Variants in BCORL1 observed in about 807,000 individuals in gnomAD.
BCORL1 encodes the protein BCL6 corepressor like 1.
A neutral mutation model predicts 87.6 loss-of-function variants in BCORL1; 7 were observed. The ratio of observed to expected loss-of-function variants is 0.08; its 90% CI spans 0.05 to 0.15. BCORL1 has a LOEUF of 0.15. Among genes scored for constraint, BCORL1 ranks in the 10% least tolerant of loss-of-function variants. The probability of loss-of-function intolerance (pLI) is 1.00; values close to 1 mark genes in which losing one functional copy is unlikely to be tolerated. For synonymous variants in BCORL1, 591 were observed against 634.4 expected (o/e 0.93, Z 1.03); for missense variants, 1,215 against 1,499.7 (o/e 0.81, Z 3.13).
In BCORL1 at chrX:130,015,182, T is replaced by C. The variant is rs150199677; in HGVS notation, c.2410T>C (p.Leu804=). 6 of 1,210,892 alleles carry C rather than the reference T, an allele frequency of 5.0e-6. No individual in the cohort carries two copies. The African/African-American group carries it at 8.7e-5, about 18-fold the overall frequency. ...LPGCQTKELS[L]WKPTGPANIY... ...AGGGTGCCAAACCAAGGAACTCTCT[T>C]TGTGGAAACCCACGGGGCCGGCAAA... Residue 804 remains leucine (L), a synonymous_variant, in exon 4 of 14, where the codon TTG becomes CTG. Coordinates refer to ENST00000540052, the MANE Select transcript of BCORL1 (RefSeq NM_001379451.1).
chrX:129,996,349 C>T (rs1387193527), intron 1 of BCORL1, among the ~76,000 whole-genome samples: 1 of 111,502 alleles, frequency 9.0e-6, no homozygotes, highest in East Asian at 2.8e-4. Context: ...ATAATTGCTT[C>T]CAGGTCACCA....
chrX:130,028,894 GTGTGTGGCGGGGGGTCAGAGGAGGCAGGA>G, intron 8 of BCORL1, 33 bp downstream of exon 8: 1 of 925,295 alleles, frequency 1.1e-6, no homozygotes, highest in Non-Finnish European at 1.5e-6. Flanking sequence ...TGTAGAAGGT[GTGTGTGGCGGGGGGTCAGAGGAGGCAGGA>G]GGGGGGTGGG....
chrX:130,004,340 G>A (rs1229277307), intron 1 of BCORL1, among the ~76,000 whole-genome samples: 2 of 106,595 alleles, frequency 1.9e-5, no homozygotes, highest in Non-Finnish European at 3.9e-5. Flanking sequence ...TGCCTCTTGG[G>A]TTCAAGCGAT....
intron 8 of BCORL1, 106 bp downstream of exon 8, chrX:130,028,967 A>C: frequency 3.2e-6 from 2 of 626,292 alleles, no homozygotes; most frequent in Non-Finnish European, 2.5e-6. Context: ...CATATTTAGT[A>C]AGGCATTCTC....
At chrX:130,008,588 C>T (rs770867012) in intron 2 of BCORL1, among the ~76,000 whole-genome samples, 6 of 111,934 alleles carry the variant, frequency 5.4e-5, no homozygotes, top group Non-Finnish European at 1.1e-4. Context: ...AGTGTTGTCA[C>T]TTTTGATCTC....
chrX:130,035,391 T>C (rs2124525089), intron 9 of BCORL1, among the ~76,000 whole-genome samples: 1 of 112,370 alleles, frequency 8.9e-6, no homozygotes, highest in East Asian at 2.8e-4. Flanking sequence ...TCACCATAAT[T>C]CAGTTACACC....
intron 11 of BCORL1, among the ~76,000 whole-genome samples, chrX:130,039,960 C>T (rs1008817672): frequency 2.7e-5 from 3 of 112,604 alleles, no homozygotes; most frequent in African/African-American, 6.5e-5. Flanking sequence ...CTGAGTTGGG[C>T]AGGGGGAGGA....
intron 10 of BCORL1, among the ~76,000 whole-genome samples, chrX:130,038,394 T>A (rs1271921407): frequency 1.2e-4 from 13 of 110,919 alleles, no homozygotes; most frequent in Non-Finnish European, 1.9e-5. Context: ...CTGCCTGGCG[T>A]GTGGAGCCCT....
rs188454898 is a variant in BCORL1 at position 130,006,791 on chromosome X, C to T, written c.86+1474C>T. The stretch of plus-strand genomic sequence containing the variant: ...TTTACTATGTTGGCCAGGCTGGTCT[C>T]GAACTCCTGACCTCATGATCCACTC... On this transcript the variant is annotated intron_variant, in intron 2 of 13. Coordinates refer to ENST00000540052, the MANE Select transcript of BCORL1 (RefSeq NM_001379451.1). 9.2e-3 allele frequency among the ~76,000 whole-genome samples: 1,015 copies of T among 110,742 alleles called. 7 individuals are homozygous for T. The highest frequency in any genetic ancestry group is 0.015 in the Non-Finnish European group (792 of 52,912).
In BCORL1 at chrX:130,021,055, A is replaced by G. The variant is rs760079112; in HGVS notation, c.3512A>G (p.Lys1171Arg). ...CCCAGGGGGGCTTCAGATTCAGGAA[A>G]AGAGCACAATGGAGTCAGGGGAAAG... ...KSPRGASDSG[K>R]EHNGVRGKHK... Residue 1171 changes from lysine to arginine, a missense_variant, in exon 5 of 14, where the codon AAA (lysine) becomes AGA (arginine). Coordinates refer to ENST00000540052, the MANE Select transcript of BCORL1 (RefSeq NM_001379451.1). The G allele has an allele frequency of 1.7e-6, 2 of 1,192,615 alleles. No individual in the cohort carries two copies. Among genetic ancestry groups the G allele is most frequent in the South Asian group, 3.7e-5 (2 of 53,852 alleles).
At position 130,008,482 on chromosome X, in the gene BCORL1, C is replaced by T. The variant is rs948115288; in HGVS notation, c.86+3165C>T. Among the ~76,000 whole-genome samples, 3 of 110,529 alleles carry T rather than the reference C, an allele frequency of 2.7e-5. No homozygotes were observed. In the Admixed American group the frequency reaches 2.9e-4, roughly 11 times the overall value. ...TTCTCCATGTTGGTCATGCTGGTCT[C>T]GAACTCCCGACCTCTGGTGATCCAC... On this transcript the variant is annotated intron_variant, in intron 2 of 13. Coordinates refer to ENST00000540052, the MANE Select transcript of BCORL1 (RefSeq NM_001379451.1).
intron 4 of BCORL1, among the ~76,000 whole-genome samples, chrX:130,019,435 G>A (rs187663385): frequency 2.5e-4 from 28 of 112,751 alleles, no homozygotes; most frequent in African/African-American, 7.7e-4. Flanking sequence ...CGTACCTGAA[G>A]GTTAGTTTTT....
upstream of BCORL1, chrX:129,981,472 C>T (rs147620921): frequency 5.9e-4 from 65 of 110,747 alleles, 1 homozygote; most frequent in African/African-American, 2.0e-3. Flanking sequence ...TAATTTACCC[C>T]CCACCCAAGC....
chrX:129,986,034 A>G (rs750524283), intron 1 of BCORL1, among the ~76,000 whole-genome samples: 49 of 110,861 alleles, frequency 4.4e-4, no homozygotes, highest in Non-Finnish European at 7.4e-4. Context: ...TATTTTTAGT[A>G]GAGACAGGGT....
chrX:130,052,002 G>A lies in BCORL1; in HGVS notation c.5061G>A (p.Val1687=). The part of the protein sequence containing the change: ...KPLLPCYNLQ[V]SVSRGPCNWF... ...TTCTCCCTTGCTACAACCTCCAAGT[G>A]TCAGTGTCCCGCGGGTAAGTGTCCG... Residue 1687 remains valine, a synonymous_variant, in exon 13 of 14, where the codon GTG becomes GTA. Transcript: ENST00000540052. 8.3e-7 allele frequency: 1 copy of A among 1,197,995 alleles called. No homozygotes were observed.
At chrX:130,012,709 T>C in intron 3 of BCORL1, 41 bp downstream of exon 3, 1 of 1,136,472 alleles carries the variant, frequency 8.8e-7, no homozygotes, top group South Asian at 1.8e-5. Flanking sequence ...CACCAAAGGA[T>C]GGAGCTGAGC....
chrX:129,994,853 C>T (rs1316589353), intron 1 of BCORL1, among the ~76,000 whole-genome samples: 1 of 111,278 alleles, frequency 9.0e-6, no homozygotes, highest in Non-Finnish European at 1.9e-5. Context: ...TTTAGTCAGG[C>T]AGAAGTTTGG....
chrX:130,015,838 A>G lies in BCORL1; in HGVS notation c.3066A>G (p.Ile1022Met). The G allele has an allele frequency of 8.3e-7, 1 of 1,211,713 alleles. No individual in the cohort carries two copies. The highest frequency in any genetic ancestry group is 1.8e-5 in the South Asian group (1 of 56,997). ...LPHDSHPKELILDVVPSSRRG... is the reference protein window; with the variant it reads ...LPHDSHPKELMLDVVPSSRRG... ...ACGACAGCCACCCCAAGGAACTTAT[A>G]TTGGACGTGGTTCCGAGCAGCAGGA... Residue 1022 changes from isoleucine (I) to methionine (M), a missense_variant, in exon 4 of 14, where the codon ATA becomes ATG. Transcript: ENST00000540052.
intron 1 of BCORL1, among the ~76,000 whole-genome samples, chrX:129,988,270 C>T (rs942838825): frequency 1.8e-5 from 2 of 111,372 alleles, no homozygotes; most frequent in South Asian, 7.4e-4. Flanking sequence ...ATTCCCTTTC[C>T]CACTGTTCAT....
Sources: allele counts gnomAD v4.1 joint callset (sites outside exome capture counted in the v4.1 genomes callset), GRCh38; gene constraint gnomAD v4.1.1; transcripts MANE v1.5; gene names NCBI Gene and HGNC (gene_info 2026-07-23, HGNC 2026-07-21).